FAM221B: variants seen among roughly 807,000 people sequenced by gnomAD.
The protein encoded by FAM221B is family with sequence similarity 221 member B, also known as protein FAM221B.
FAM221B carries 35 observed loss-of-function variants against 39.8 expected under a neutral mutation model. That is an observed-to-expected ratio of 0.88 (90% CI 0.67 to 1.17). FAM221B has a LOEUF of 1.17. Among genes scored for constraint, FAM221B ranks in the 50% most tolerant of loss-of-function variants. FAM221B has a pLI of 0.00. For missense variants in FAM221B, 479 were observed against 503.1 expected, an observed-to-expected ratio of 0.95 and a Z score of 0.46; for synonymous variants, 158 against 178.1, an observed-to-expected ratio of 0.89 and a Z score of 0.90.
At position 35,819,367 on chromosome 9, in the gene FAM221B, T is replaced by C; in HGVS notation, c.881A>G (p.Gln294Arg). The change falls in exon 5 of 7, where the codon CAG (glutamine) becomes CGG (arginine). Residue 294 changes from glutamine to arginine, a missense_variant. Coordinates refer to ENST00000423537, the MANE Select transcript of FAM221B (RefSeq NM_001012446.4). ...AAAGCAGAACATGAAGCAGCGGCAC[T>C]GGCTTACCTTGCAGGGCACCGATAT... is the stretch of plus-strand genomic sequence containing the variant. ...SDISVPCKVS[Q>R]CRCFMFCFIP... 6.4e-7 allele frequency: 1 copy of C among 1,551,726 alleles called. No individual in the cohort carries two copies. The highest frequency in any genetic ancestry group is 2.4e-5 in the East Asian group (1 of 40,928).
chr9:35,819,022 T>C lies in FAM221B; in HGVS notation c.1052-13A>G. On this transcript the variant is annotated splice_polypyrimidine_tract_variant and intron_variant, in intron 5 of 6. Coordinates refer to ENST00000423537, the MANE Select transcript of FAM221B (RefSeq NM_001012446.4). The stretch of plus-strand genomic sequence containing the variant: ...CCGCAGCAACAGCCTGGGGCAAAAG[T>C]GCAGCCAAGAAGAGTTTAGGAAATG... The C allele has an allele frequency of 6.4e-7, 1 of 1,551,630 alleles. No individual in the cohort carries two copies. Among genetic ancestry groups the C allele is most frequent in the African/African-American group, 1.4e-5 (1 of 73,166 alleles).
intron 3 of FAM221B, among the ~76,000 whole-genome samples, chr9:35,821,104 A>G (rs577568545): frequency 3.5e-4 from 54 of 152,336 alleles, no homozygotes; most frequent in Non-Finnish European, 6.5e-4. Context: ...ATTGCCATCC[A>G]TAGCTCCTTG....
intron 3 of FAM221B, among the ~76,000 whole-genome samples, chr9:35,823,341 C>T (rs1344165700): frequency 6.6e-6 from 1 of 152,230 alleles, no homozygotes. Context: ...CCCCCATCAG[C>T]ATTACCACTT....
intron 3 of FAM221B, among the ~76,000 whole-genome samples, chr9:35,822,373 T>G (rs1410229695): frequency 6.6e-6 from 1 of 152,108 alleles, no homozygotes; most frequent in African/African-American, 2.4e-5. Context: ...CAGTTTCACT[T>G]TGTTAGCTTT....
chr9:35,825,113 G>T lies in FAM221B; in HGVS notation c.742+117C>A. The T allele has an allele frequency of 8.3e-7, 1 of 1,208,918 alleles. No homozygotes were observed. Among genetic ancestry groups the T allele is most frequent in the Non-Finnish European group, 1.2e-6 (1 of 865,268 alleles). 74.9% of individuals were successfully genotyped at this position (1,208,918 alleles called of 1,614,324 possible). The stretch of plus-strand genomic sequence containing the variant: ...TTGCCTGCTCCTTTTCCAGGCAGGT[G>T]GTATAGCCATTTCCAAAAGGGGAAG... On this transcript the variant is annotated intron_variant, in intron 3 of 6. Transcript: ENST00000423537. The surrounding 1 kb of genome is among the most constrained non-coding windows in gnomAD (Gnocchi z 4.2).
In FAM221B at chr9:35,819,247, T is replaced by C; in HGVS notation, c.1001A>G (p.His334Arg). ...KAWRAQCRCK[H>R]SHEEHAATGP... ...AGTGGCTGCATGTTCTTCGTGGCTG[T>C]GTTTGCAGCGACATTGGGCCCTCCA... The change falls in exon 5 of 7, where the codon CAC becomes CGC. Residue 334 changes from histidine (H) to arginine (R), a missense_variant. By Grantham distance (29) the His-to-Arg change is conservative. Coordinates refer to ENST00000423537, the MANE Select transcript of FAM221B (RefSeq NM_001012446.4). 1 of 1,551,744 alleles carries C rather than the reference T, an allele frequency of 6.4e-7. No individual in the cohort carries two copies. The highest frequency in any genetic ancestry group is 1.7e-4 in the Middle Eastern group (1 of 5,992).
rs751671992 is a variant in FAM221B, at chr9:35,825,578, G to A, written c.584C>T (p.Pro195Leu). 1 of 1,612,252 alleles carries A rather than the reference G, an allele frequency of 6.2e-7. No individual in the cohort carries two copies. The highest frequency in any genetic ancestry group is 2.2e-5 in the East Asian group (1 of 44,880). The change falls in exon 2 of 7, where the codon CCT (proline) becomes CTT (leucine). Residue 195 changes from proline (P) to leucine (L), a missense_variant. Pro to Leu is a moderately conservative substitution (Grantham distance 98). Coordinates refer to ENST00000423537, the MANE Select transcript of FAM221B (RefSeq NM_001012446.4). This position sits in a 1 kb window ranked among gnomAD's most constrained non-coding sequence, Gnocchi z 4.2. ...ASDSTAHTAQ[P>L]GHQLGNTARP... Reference sequence around the variant, plus strand: ...CTTCTTCTTGCCTAGTTGGTGTCCAGGTTGGGCTGTGTGAGCAGTGCTGTC... The same window carrying A: ...CTTCTTCTTGCCTAGTTGGTGTCCAAGTTGGGCTGTGTGAGCAGTGCTGTC...
Position 35,825,818 on chromosome 9 carries a change from T to G in FAM221B, c.344A>C (p.Tyr115Ser). Residue 115 changes from tyrosine (Y) to serine (S), a missense_variant, in exon 2 of 7, where the codon TAT (tyrosine) becomes TCT (serine). Coordinates refer to ENST00000423537, the MANE Select transcript of FAM221B (RefSeq NM_001012446.4). The surrounding 1 kb of genome is among the most constrained non-coding windows in gnomAD (Gnocchi z 4.2). The part of the protein sequence containing the change: ...HLTLPPQSRD[Y>S]VCLSSSDTLK... ...AGTATCAGAAGAAGACAGACAGACA[T>G]AGTCTCGTGATTGGGGAGGAAGAGT... 6.2e-7 allele frequency: 1 copy of G among 1,613,928 alleles called. No homozygotes were observed. Among genetic ancestry groups the G allele is most frequent in the Non-Finnish European group, 8.5e-7 (1 of 1,179,954 alleles).
In FAM221B at chr9:35,819,346, C is replaced by G; in HGVS notation, c.902G>C (p.Cys301Ser). 6.4e-7 allele frequency: 1 copy of G among 1,551,756 alleles called. No individual in the cohort carries two copies. Among genetic ancestry groups the G allele is most frequent in the South Asian group, 1.2e-5 (1 of 84,064 alleles). ...CTCCTCTGGGCGTGATGGGATAAAGCAGAACATGAAGCAGCGGCACTGGCT... is the reference window on the plus strand; with the variant it reads ...CTCCTCTGGGCGTGATGGGATAAAGGAGAACATGAAGCAGCGGCACTGGCT... ...KVSQCRCFMF[C>S]FIPSRPEEVG... is the part of the protein sequence containing the mutation. Residue 301 changes from cysteine to serine, a missense_variant, in exon 5 of 7, where the codon TGC (cysteine) becomes TCC (serine). Coordinates refer to ENST00000423537, the MANE Select transcript of FAM221B (RefSeq NM_001012446.4).
chr9:35,824,925 C>T lies in FAM221B; in HGVS notation c.742+305G>A, dbSNP rs550147822. Among the ~76,000 whole-genome samples the T allele has an allele frequency of 1.0e-3, 159 of 152,300 alleles. 1 individual carries two copies. Among genetic ancestry groups the T allele is most frequent in the Non-Finnish European group, 1.7e-3 (116 of 68,024 alleles). ...CTCGATCTCCTGACCTCGTGATCCG[C>T]CCATCTCGGCCTCCCAAAGTGCTGG... On this transcript the variant is annotated intron_variant, in intron 3 of 6. Transcript: ENST00000423537.
rs1437315444 is a variant in FAM221B at position 35,819,144 on chromosome 9, C to T, written c.1051+53G>A. ...GCTCTCCATCATTATCCCCAGATTG[C>T]ATCCTATCCCCACCTACCCTGCTCC... On this transcript the variant is annotated intron_variant, in intron 5 of 6. Coordinates refer to ENST00000423537, the MANE Select transcript of FAM221B (RefSeq NM_001012446.4). 7 of 1,534,236 alleles carry T rather than the reference C, an allele frequency of 4.6e-6. No individual in the cohort carries two copies. In the African/African-American group the frequency reaches 8.3e-5, roughly 18 times the overall value.
chr9:35,818,750 G>A, intron 6 of FAM221B, 140 bp downstream of exon 6: 1 of 1,169,824 alleles, frequency 8.5e-7, no homozygotes, highest in South Asian at 1.5e-5. Context: ...GATGTGGGAT[G>A]CAGGTAGGTG....
rs1292517589 is a variant in FAM221B, at chr9:35,828,336, ACTACT to A, written c.-1+122_-1+126del. The A allele has an allele frequency of 3.2e-3, 299 of 92,768 alleles. No homozygotes were observed. The highest frequency in any genetic ancestry group is 3.9e-3 in the African/African-American group (98 of 24,944). 5.7% of individuals were successfully genotyped at this position (92,768 alleles called of 1,614,324 possible). On this transcript the variant is annotated intron_variant, in intron 1 of 6. Transcript: ENST00000423537. The surrounding 1 kb of genome is among the most constrained non-coding windows in gnomAD (Gnocchi z 4.5). ...AACAACAACAACAACAACAACAACT[ACTACT>A]ACTACTACTACTACTACTACTACTA...
At position 35,818,996 on chromosome 9, in the gene FAM221B, G is replaced by A. The variant is rs1243278795; in HGVS notation, c.1065C>T (p.Gly355=). 3 of 1,551,688 alleles carry A rather than the reference G, an allele frequency of 1.9e-6. No homozygotes were observed. The highest frequency in any genetic ancestry group is 8.7e-7 in the Non-Finnish European group (1 of 1,147,002). The change falls in exon 6 of 7, where the codon GGC becomes GGT. Residue 355 remains glycine, a synonymous_variant. Coordinates refer to ENST00000423537, the MANE Select transcript of FAM221B (RefSeq NM_001012446.4). ...HPCRHHGCCC[G]CFESNFLCAA... ...CACAGAGGAAATTAGACTCAAAACA[G>A]CCGCAGCAACAGCCTGGGGCAAAAG...
At chr9:35,819,473 C>G (rs1259105196) in intron 4 of FAM221B, 79 bp from the exon 5 acceptor site, 2 of 1,300,394 alleles carry the variant, frequency 1.5e-6, no homozygotes, top group Non-Finnish European at 2.1e-6. Flanking sequence ...TCCATCCCCA[C>G]CACCCCCTAT....
Position 35,819,398 on chromosome 9 carries a change from T to G in FAM221B, c.854-4A>C, listed in dbSNP as rs1829090870. On this transcript the variant is annotated splice_region_variant and splice_polypyrimidine_tract_variant and intron_variant, in intron 4 of 6. Coordinates refer to ENST00000423537, the MANE Select transcript of FAM221B (RefSeq NM_001012446.4). ...ACCTTGCAGGGCACCGATATGTCTG[T>G]GGGATTGGGGATGGATGGTAGGGTT... 1 of 1,550,676 alleles carries G rather than the reference T, an allele frequency of 6.4e-7. No homozygotes were observed. The highest frequency in any genetic ancestry group is 1.4e-5 in the African/African-American group (1 of 73,026).
rs1225291137 is a variant in FAM221B, at chr9:35,825,464, C to T, written c.599-91G>A. 2.5e-6 allele frequency: 4 copies of T among 1,588,516 alleles called. No homozygotes were observed. The highest frequency in any genetic ancestry group is 2.7e-5 in the African/African-American group (2 of 74,344). ...ATGTCCAAGAGTAACCCAGTCTCCT[C>T]CTCCTGGGGCAAGTCAAGGACAGTG... is the stretch of plus-strand genomic sequence containing the variant. On this transcript the variant is annotated intron_variant, in intron 2 of 6. Transcript: ENST00000423537. The surrounding 1 kb of genome is among the most constrained non-coding windows in gnomAD (Gnocchi z 4.2).
rs548467009 is a variant in FAM221B, at chr9:35,820,127, A to G, written c.743-127T>C. 194 of 621,512 alleles carry G rather than the reference A, an allele frequency of 3.1e-4. No individual in the cohort carries two copies. The African/African-American group carries it at 3.2e-3, about 10-fold the overall frequency. 38.5% of individuals were successfully genotyped at this position (621,512 alleles called of 1,614,324 possible). Reference sequence around the variant, plus strand: ...CCTCTCCCCACCCCCAGGTATCTTTATCTCCACCTGGAAGTCCTCACCTCT... The same window carrying G: ...CCTCTCCCCACCCCCAGGTATCTTTGTCTCCACCTGGAAGTCCTCACCTCT... On this transcript the variant is annotated intron_variant, in intron 3 of 6. Transcript: ENST00000423537.
At position 35,816,893 on chromosome 9, in the gene FAM221B, A is replaced by G. The variant is rs10972590; in HGVS notation, c.*1576T>C. Reference sequence around the variant, plus strand: ...TAGAATGGCCTCTTCTCTGGGCCCCAGAGGCTGCAGTTCTCTGTGGTGCCT... The same window carrying G: ...TAGAATGGCCTCTTCTCTGGGCCCCGGAGGCTGCAGTTCTCTGTGGTGCCT... On this transcript the variant is annotated 3_prime_UTR_variant, in exon 7 of 7. Coordinates refer to ENST00000423537, the MANE Select transcript of FAM221B (RefSeq NM_001012446.4). The G allele has an allele frequency of 0.82, 124,707 of 152,114 alleles. 52,477 individuals carry two copies. Among genetic ancestry groups the G allele is most frequent in the Middle Eastern group, 0.96 (283 of 296 alleles). 9.4% of individuals were successfully genotyped at this position (152,114 alleles called of 1,614,324 possible).
Sources: allele counts gnomAD v4.1 joint callset (sites outside exome capture counted in the v4.1 genomes callset), GRCh38; gene constraint gnomAD v4.1.1; non-coding constraint Gnocchi (gnomAD v3.1); transcripts MANE v1.5; gene names NCBI Gene and HGNC (gene_info 2026-07-23, HGNC 2026-07-21).